THRB: variants seen among roughly 807,000 people sequenced by gnomAD.
THRB encodes the protein nuclear receptor subfamily 1 group A member 2.
A neutral mutation model predicts 47.8 loss-of-function variants in THRB; 12 were observed. The observed-to-expected ratio is 0.25, with a 90% CI of 0.16 to 0.41. The LOEUF (loss-of-function observed/expected upper bound fraction) is 0.41, where lower values mean the gene tolerates loss of function less well. THRB is among the 10% of genes least tolerant of loss of function. THRB has a pLI of 1.00. For synonymous variants in THRB, 218 were observed against 212.2 expected, an observed-to-expected ratio of 1.03 and a Z score of -0.24; for missense variants, 348 against 589.2, an observed-to-expected ratio of 0.59 and a Z score of 4.24.
intron 1 of THRB, among the ~76,000 whole-genome samples, chr3:24,427,761 T>C (rs1219263852): frequency 1.3e-5 from 2 of 152,002 alleles, no homozygotes; most frequent in Admixed American, 6.6e-5. Context: ...TAATAACTAA[T>C]GTTAAAAAGA....
intron 1 of THRB, among the ~76,000 whole-genome samples, chr3:24,475,534 TATAG>T (rs35580590): frequency 6.6e-6 from 1 of 151,208 alleles, no homozygotes; most frequent in Non-Finnish European, 1.5e-5. Context: ...TCAACATATA[TATAG>T]ATAGATAGAT....
chr3:24,401,721 C>T (rs147676600), intron 1 of THRB, among the ~76,000 whole-genome samples: 17 of 152,070 alleles, frequency 1.1e-4, no homozygotes, highest in Non-Finnish European at 2.2e-4. Context: ...GTCTGATTTG[C>T]GCTACTTCAG....
intron 1 of THRB, among the ~76,000 whole-genome samples, chr3:24,441,783 T>G (rs2071550472): frequency 6.6e-6 from 1 of 152,208 alleles, no homozygotes. Context: ...TATTTTTGCA[T>G]CATTAGAGAC....
At position 24,481,229 on chromosome 3, in the gene THRB, GTTTTTTTTTT is replaced by G. The variant is rs746323691; in HGVS notation, c.-261+13413_-261+13422del. On this transcript the variant is annotated intron_variant, in intron 1 of 10. Transcript: ENST00000646209. ...TATATGTGTGGATGCGTTTCTTTCT[GTTTTTTTTTT>G]TTTTTTTTTTTTTTTTTTACGGAAA... Among the ~76,000 whole-genome samples the G allele has an allele frequency of 2.9e-3, 160 of 55,376 alleles. 1 individual carries two copies. Among genetic ancestry groups the G allele is most frequent in the South Asian group, 0.023 (32 of 1,392 alleles). The allele number at this position is 55,376 out of a possible 152,430, so 36.3% of individuals were successfully genotyped here.
At chr3:24,420,716 T>A (rs1013933722) in intron 1 of THRB, among the ~76,000 whole-genome samples, 1 of 151,788 alleles carries the variant, frequency 6.6e-6, no homozygotes, top group Non-Finnish European at 1.5e-5. Flanking sequence ...GCTGGCAAGG[T>A]TGCAGAGTAA....
intron 3 of THRB, among the ~76,000 whole-genome samples, chr3:24,243,774 G>A (rs1467568586): frequency 2.0e-5 from 3 of 151,972 alleles, no homozygotes; most frequent in Admixed American, 2.0e-4. Context: ...ACGGGGACAG[G>A]GATCTTTTTC....
chr3:24,395,646 C>T (rs532709420), intron 1 of THRB, among the ~76,000 whole-genome samples: 5 of 151,978 alleles, frequency 3.3e-5, no homozygotes, highest in Admixed American at 6.6e-5. Context: ...AAATTGGAAC[C>T]CTTATATGCT....
At chr3:24,420,886 G>A (rs1275878067) in intron 1 of THRB, among the ~76,000 whole-genome samples, 3 of 151,816 alleles carry the variant, frequency 2.0e-5, no homozygotes, top group African/African-American at 7.3e-5. Flanking sequence ...CTGTCATAAA[G>A]ACACATGCAC....
At chr3:24,147,899 A>G (rs912203396) in intron 6 of THRB, among the ~76,000 whole-genome samples, 1 of 152,130 alleles carries the variant, frequency 6.6e-6, no homozygotes, top group African/African-American at 2.4e-5. Context: ...TTCAGGTAGG[A>G]TGGAAACCAC....
At chr3:24,260,571 G>A (rs2051853383) in intron 3 of THRB, among the ~76,000 whole-genome samples, 1 of 152,076 alleles carries the variant, frequency 6.6e-6, no homozygotes, top group African/African-American at 2.4e-5. Flanking sequence ...CTCATCACTG[G>A]AGAAAAAGAC....
chr3:24,283,833 G>T (rs2054916579), intron 3 of THRB, among the ~76,000 whole-genome samples: 1 of 151,970 alleles, frequency 6.6e-6, no homozygotes, highest in Non-Finnish European at 1.5e-5. Flanking sequence ...ATTCACAATT[G>T]CTACAAAGAG....
chr3:24,178,488 C>G (rs1299825418), intron 5 of THRB, among the ~76,000 whole-genome samples: 1 of 151,836 alleles, frequency 6.6e-6, no homozygotes, highest in Non-Finnish European at 1.5e-5. Context: ...GAGACCTTGT[C>G]TAAAAAAAAT....
intron 3 of THRB, among the ~76,000 whole-genome samples, chr3:24,231,582 T>C (rs1047067380): frequency 6.6e-6 from 1 of 152,188 alleles, no homozygotes; most frequent in Non-Finnish European, 1.5e-5. Context: ...TTACTTTTAC[T>C]GTAGTATTTT....
At chr3:24,348,128 T>C (rs9809320) in intron 1 of THRB, among the ~76,000 whole-genome samples, 23,969 of 152,140 alleles carry the variant, frequency 0.16, 2,218 homozygotes, top group East Asian at 0.29. Flanking sequence ...TTTAAAAGGA[T>C]AACACGTTAA....
chr3:24,411,853 A>C (rs2150183933), intron 1 of THRB, among the ~76,000 whole-genome samples: 1 of 151,914 alleles, frequency 6.6e-6, no homozygotes, highest in South Asian at 2.1e-4. Context: ...AGGTTGAGAA[A>C]CCCTGATCTA....
chr3:24,203,957 G>A (rs1212823987), intron 4 of THRB, among the ~76,000 whole-genome samples: 1 of 152,256 alleles, frequency 6.6e-6, no homozygotes, highest in African/African-American at 2.4e-5. Flanking sequence ...CAAGGCTGGG[G>A]GAGGGGCACC....
At chr3:24,471,213 C>T (rs555453354) in intron 1 of THRB, among the ~76,000 whole-genome samples, 44 of 152,310 alleles carry the variant, frequency 2.9e-4, no homozygotes, top group African/African-American at 1.0e-3. Flanking sequence ...GGAGCATCAG[C>T]ATCGTCTGGG....
At chr3:24,155,317 C>A (rs2037648707) in intron 5 of THRB, among the ~76,000 whole-genome samples, 1 of 152,202 alleles carries the variant, frequency 6.6e-6, no homozygotes, top group South Asian at 2.1e-4. Flanking sequence ...ATCAAAACTT[C>A]TACAGAAACA....
At chr3:24,189,697 G>T (rs558216433) in intron 5 of THRB, among the ~76,000 whole-genome samples, 1 of 152,268 alleles carries the variant, frequency 6.6e-6, no homozygotes, top group East Asian at 1.9e-4. Flanking sequence ...CTTGGGAAAA[G>T]AAATGTACAC....
Sources: allele counts gnomAD v4.1 joint callset (sites outside exome capture counted in the v4.1 genomes callset), GRCh38; gene constraint gnomAD v4.1.1; transcripts MANE v1.5; gene names NCBI Gene and HGNC (gene_info 2026-07-23, HGNC 2026-07-21).